Variants in TUSC3 observed in about 807,000 individuals in gnomAD.
The protein encoded by TUSC3 is dolichyl-diphosphooligosaccharide--protein glycosyltransferase subunit TUSC3.
Under a neutral mutation model 44.8 loss-of-function variants are expected in TUSC3, and 45 were observed. That is an observed-to-expected ratio of 1.00 (90% CI 0.79 to 1.29). The LOEUF (loss-of-function observed/expected upper bound fraction) is 1.29, where lower values mean the gene tolerates loss of function less well. Among genes scored for constraint, TUSC3 ranks in the 50% most tolerant of loss-of-function variants. TUSC3 has a pLI of 0.00. For missense variants in TUSC3, 519 were observed against 437.9 expected (o/e 1.19, Z -1.65); for synonymous variants, 212 against 152.9 (o/e 1.39, Z -2.85).
chr8:15,481,129 T>C (rs1403486751), intron 1 of TUSC3, among the ~76,000 whole-genome samples: 1 of 151,088 alleles, frequency 6.6e-6, no homozygotes, highest in Non-Finnish European at 1.5e-5. Flanking sequence ...ATGACTGTAA[T>C]CCCAGCTACT....
At chr8:15,569,026 GT>G (rs1802773320) in intron 1 of TUSC3, among the ~76,000 whole-genome samples, 1 of 152,054 alleles carries the variant, frequency 6.6e-6, no homozygotes, top group Admixed American at 6.6e-5. Flanking sequence ...ACATTAGATA[GT>G]TTTGCTAAGT....
chr8:15,666,564 T>C, intron 5 of TUSC3, among the ~76,000 whole-genome samples: 1 of 151,532 alleles, frequency 6.6e-6, no homozygotes. Flanking sequence ...AGAAATTTAT[T>C]TCTTGTGACC....
At chr8:15,655,332 C>T (rs561186030) in intron 3 of TUSC3, among the ~76,000 whole-genome samples, 48 of 152,180 alleles carry the variant, frequency 3.2e-4, no homozygotes, top group Non-Finnish European at 5.7e-4. Flanking sequence ...ACCTTCCTCG[C>T]GGAACACTCC....
In TUSC3 at chr8:15,545,190, A is replaced by C. The variant is rs1301074245; in HGVS notation, c.138+4622A>C. ...TATCTTGGTGGTCAGTATTACTGTC[A>C]TAACTATTAAATATTTCTTCCTTGA... On this transcript the variant is annotated intron_variant, in intron 1 of 10. Transcript: ENST00000503731. 5.3e-5 allele frequency among the ~76,000 whole-genome samples: 8 copies of C among 151,652 alleles called. 1 individual carries two copies. In the Admixed American group the frequency reaches 5.3e-4, roughly 10 times the overall value.
intron 1 of TUSC3, among the ~76,000 whole-genome samples, chr8:15,437,896 A>G (rs1019767875): frequency 6.6e-6 from 1 of 152,226 alleles, no homozygotes; most frequent in Non-Finnish European, 1.5e-5. Flanking sequence ...CTGTTGAGAT[A>G]ACAGGATAAC....
chr8:15,492,712 G>A (rs1403284750), intron 2 of TUSC3, among the ~76,000 whole-genome samples: 1 of 151,906 alleles, frequency 6.6e-6, no homozygotes, highest in African/African-American at 2.4e-5. Flanking sequence ...AGAGGTGGGA[G>A]GATAGCTTGA....
chr8:15,643,765 G>C (rs1000476498), intron 2 of TUSC3, among the ~76,000 whole-genome samples: 1 of 152,124 alleles, frequency 6.6e-6, no homozygotes, highest in Non-Finnish European at 1.5e-5. Flanking sequence ...TATGTATAGC[G>C]CAACCAGAGG....
chr8:15,795,485 C>T, the TUSC3 span, among the ~76,000 whole-genome samples: 1 of 152,148 alleles, frequency 6.6e-6, no homozygotes, highest in East Asian at 1.9e-4. Context: ...AAAAATGTGT[C>T]ACTTACCCCT....
At chr8:15,550,863 G>C (rs1407688526) in intron 1 of TUSC3, among the ~76,000 whole-genome samples, 1 of 151,492 alleles carries the variant, frequency 6.6e-6, no homozygotes, top group African/African-American at 2.4e-5. Flanking sequence ...GTAGAGACGG[G>C]GTTTCATCAT....
intron 8 of TUSC3, among the ~76,000 whole-genome samples, chr8:15,747,690 C>T (rs1329948821): frequency 6.6e-6 from 1 of 152,058 alleles, no homozygotes; most frequent in Admixed American, 6.6e-5. Context: ...TTTCCTGGGA[C>T]AGAGGAATAT....
chr8:15,820,540 G>T, the TUSC3 span, among the ~76,000 whole-genome samples: 2 of 151,966 alleles, frequency 1.3e-5, no homozygotes, highest in Admixed American at 1.3e-4. Flanking sequence ...GGATGGTCTC[G>T]ATCTCTTGAC....
intron 2 of TUSC3, among the ~76,000 whole-genome samples, chr8:15,486,557 G>T (rs975502893): frequency 6.6e-6 from 1 of 151,930 alleles, no homozygotes; most frequent in Non-Finnish European, 1.5e-5. Flanking sequence ...TGATTATTCT[G>T]CCTCAGCCTC....
chr8:15,647,481 C>T (rs1806685632), intron 2 of TUSC3, among the ~76,000 whole-genome samples: 1 of 152,022 alleles, frequency 6.6e-6, no homozygotes, highest in African/African-American at 2.4e-5. Flanking sequence ...TTAATGATTA[C>T]TTAGAATCTA....
At chr8:15,438,600 G>A (rs970721042) in intron 1 of TUSC3, among the ~76,000 whole-genome samples, 7 of 152,172 alleles carry the variant, frequency 4.6e-5, no homozygotes, top group Non-Finnish European at 1.0e-4. Flanking sequence ...GACCACCTTT[G>A]CTCAGCAAAG....
intron 2 of TUSC3, among the ~76,000 whole-genome samples, chr8:15,499,510 T>C (rs1800929624): frequency 6.6e-6 from 1 of 152,228 alleles, no homozygotes; most frequent in Admixed American, 6.5e-5. Context: ...ATATTTGAAG[T>C]TCATGTCAAT....
chr8:15,838,231 T>C, the TUSC3 span, among the ~76,000 whole-genome samples: 1 of 152,206 alleles, frequency 6.6e-6, no homozygotes, highest in African/African-American at 2.4e-5. Context: ...GGATATATCA[T>C]TTACCTTTGA....
At chr8:15,817,541 A>C in the TUSC3 span, among the ~76,000 whole-genome samples, 3 of 152,066 alleles carry the variant, frequency 2.0e-5, no homozygotes, top group Non-Finnish European at 4.4e-5. Flanking sequence ...GGTTACCTCC[A>C]TGCTGTTCCC....
chr8:15,624,115 C>T (rs1805382879), intron 2 of TUSC3, among the ~76,000 whole-genome samples: 1 of 151,872 alleles, frequency 6.6e-6, no homozygotes, highest in African/African-American at 2.4e-5. Flanking sequence ...GCCGTAATTC[C>T]CTAAAAAAAT....
the TUSC3 span, among the ~76,000 whole-genome samples, chr8:15,840,891 T>G: frequency 6.6e-6 from 1 of 152,220 alleles, no homozygotes; most frequent in Non-Finnish European, 1.5e-5. Context: ...AGTAATTTAA[T>G]GGCAAATGCA....
Sources: gnomAD v4.1 joint callset for allele counts (sites outside exome capture counted in the v4.1 genomes callset) on GRCh38, gnomAD v4.1.1 for gene constraint, MANE v1.5 for transcripts, NCBI Gene and HGNC (gene_info 2026-07-23, HGNC 2026-07-21) for gene names.